The following VPS8 variants were observed in gnomAD, a reference collection of about 807,000 sequenced individuals.
VPS8 encodes the protein vacuolar protein sorting-associated protein 8 homolog.
Under a neutral mutation model 216.4 loss-of-function variants are expected in VPS8, and 129 were observed. The ratio of observed to expected loss-of-function variants is 0.60; its 90% CI spans 0.52 to 0.69. The LOEUF is 0.69. Among genes scored for constraint, VPS8 ranks in the 30% least tolerant of loss-of-function variants. The pLI is 0.00. For missense variants in VPS8, 1,531 were observed against 1,683.5 expected (o/e 0.91, Z 1.59); for synonymous variants, 571 against 565.4 (o/e 1.01, Z -0.14).
intron 7 of VPS8, among the ~76,000 whole-genome samples, chr3:184,841,828 A>C (rs1176970675): frequency 6.6e-6 from 1 of 152,180 alleles, no homozygotes; most frequent in Non-Finnish European, 1.5e-5. Context: ...CACAGAGCCA[A>C]GTTCAGCCAA....
intron 45 of VPS8, among the ~76,000 whole-genome samples, chr3:185,017,477 A>G (rs1166470461): frequency 6.6e-6 from 1 of 152,154 alleles, no homozygotes; most frequent in East Asian, 1.9e-4. Flanking sequence ...CCATTTCCAC[A>G]TACGGCACAA....
chr3:184,996,378 G>C lies in VPS8; in HGVS notation c.3713G>C (p.Trp1238Ser). 2 of 1,613,634 alleles carry C rather than the reference G, an allele frequency of 1.2e-6. No individual in the cohort carries two copies. The highest frequency in any genetic ancestry group is 1.7e-6 in the Non-Finnish European group (2 of 1,179,750). The change falls in exon 44 of 48, where the codon TGG (tryptophan) becomes TCG (serine). Residue 1238 changes from tryptophan (W) to serine (S), a missense_variant. Trp to Ser is a radical substitution (Grantham distance 177, BLOSUM62 -3). Coordinates refer to ENST00000625842, the MANE Select transcript of VPS8 (RefSeq NM_001009921.3). ...TTSLLNQDLHWSLCNLRASVT... is the reference protein window; with the variant it reads ...TTSLLNQDLHSSLCNLRASVT... ...AGCCTTCTAAACCAAGATCTCCATT[G>C]GTCATTGTGTAACCTGAGAGCTTCG...
chr3:185,034,615 G>T (rs796245196), intron 46 of VPS8, among the ~76,000 whole-genome samples: 1 of 114,196 alleles, frequency 8.8e-6, no homozygotes, highest in East Asian at 2.4e-4. Context: ...TAGTTTTGTT[G>T]TTGTTGTTGT....
intron 39 of VPS8, among the ~76,000 whole-genome samples, chr3:184,967,903 A>C (rs1327793361): frequency 6.6e-6 from 1 of 152,126 alleles, no homozygotes; most frequent in African/African-American, 2.4e-5. Flanking sequence ...TTACCATTTT[A>C]ACTATTTTTG....
intron 35 of VPS8, among the ~76,000 whole-genome samples, chr3:184,938,740 A>G (rs1742109575): frequency 6.6e-6 from 1 of 151,414 alleles, no homozygotes; most frequent in South Asian, 2.1e-4. Flanking sequence ...ATAAAAGTAA[A>G]GTATGGGCGG....
chr3:184,914,655 T>C (rs1460271106), intron 26 of VPS8, among the ~76,000 whole-genome samples: 2 of 152,206 alleles, frequency 1.3e-5, no homozygotes, highest in Non-Finnish European at 2.9e-5. Context: ...GGCACCATCT[T>C]TCTAGACGCT....
chr3:184,888,637 A>T (rs1731753882), intron 22 of VPS8, among the ~76,000 whole-genome samples: 2 of 152,302 alleles, frequency 1.3e-5, no homozygotes, highest in South Asian at 4.1e-4. Flanking sequence ...AGAAAATGTT[A>T]TCCTCATTTT....
chr3:185,012,367 CATAA>C (rs1269845008), intron 45 of VPS8, among the ~76,000 whole-genome samples: 13 of 146,756 alleles, frequency 8.9e-5, no homozygotes, highest in African/African-American at 3.0e-4. Context: ...ATATGATAAA[CATAA>C]ATATAATATA....
chr3:184,849,251 C>G, intron 9 of VPS8, 56 bp downstream of exon 9: 1 of 1,573,996 alleles, frequency 6.4e-7, no homozygotes, highest in South Asian at 1.1e-5. Flanking sequence ...GATGAATTTA[C>G]AAAAACTTAC....
At chr3:184,937,000 G>T (rs189793092) in intron 35 of VPS8, among the ~76,000 whole-genome samples, 1 of 152,242 alleles carries the variant, frequency 6.6e-6, no homozygotes, top group Non-Finnish European at 1.5e-5. Flanking sequence ...GCCTCCCAAG[G>T]TGCTGGGATT....
chr3:184,945,000 A>C (rs754448182), intron 36 of VPS8, among the ~76,000 whole-genome samples: 2 of 152,098 alleles, frequency 1.3e-5, no homozygotes, highest in Non-Finnish European at 2.9e-5. Flanking sequence ...ACCTACTTCA[A>C]TGAGTGCCTA....
chr3:184,829,043 A>C (rs1449505101), intron 3 of VPS8, among the ~76,000 whole-genome samples: 3 of 152,164 alleles, frequency 2.0e-5, no homozygotes, highest in African/African-American at 7.2e-5. Context: ...AGATTTGTTC[A>C]CATTGCTGTG....
At chr3:185,028,389 A>G (rs1757677687) in intron 46 of VPS8, among the ~76,000 whole-genome samples, 1 of 152,228 alleles carries the variant, frequency 6.6e-6, no homozygotes, top group Non-Finnish European at 1.5e-5. Context: ...ACACATTGTC[A>G]GAAATGGGAA....
intron 36 of VPS8, among the ~76,000 whole-genome samples, chr3:184,954,580 T>C (rs998921782): frequency 6.6e-6 from 1 of 152,194 alleles, no homozygotes; most frequent in Non-Finnish European, 1.5e-5. Flanking sequence ...CACAATATTA[T>C]ATTCCCACAT....
chr3:184,973,870 A>G (rs1254066347), intron 40 of VPS8, among the ~76,000 whole-genome samples: 3 of 152,124 alleles, frequency 2.0e-5, no homozygotes, highest in African/African-American at 7.2e-5. Context: ...TGCAAGTGTC[A>G]GGATTTCATC....
At chr3:184,957,223 A>G in intron 36 of VPS8, 151 bp from the exon 37 acceptor site, 2 of 802,746 alleles carry the variant, frequency 2.5e-6, no homozygotes, top group Non-Finnish European at 3.8e-6. Flanking sequence ...CAAGTAACCT[A>G]AATAACATTG....
At chr3:184,815,794 C>T (rs999983593) in intron 1 of VPS8, 6 of 145,266 alleles carry the variant, frequency 4.1e-5, no homozygotes, top group African/African-American at 1.0e-4. Context: ...TTCAGCAAGA[C>T]GCTTCCAGTT....
chr3:184,932,040 G>A (rs1445938165), intron 34 of VPS8, among the ~76,000 whole-genome samples: 1 of 152,098 alleles, frequency 6.6e-6, no homozygotes, highest in Non-Finnish European at 1.5e-5. Flanking sequence ...TACTTTTGCT[G>A]ACTAGTTTTT....
intron 34 of VPS8, among the ~76,000 whole-genome samples, chr3:184,933,786 T>G (rs781176623): frequency 1.3e-5 from 2 of 152,208 alleles, no homozygotes; most frequent in Admixed American, 6.5e-5. Context: ...ATATCAAGGA[T>G]CTATATGTGT....
Sources: allele counts gnomAD v4.1 joint callset (sites outside exome capture counted in the v4.1 genomes callset), GRCh38; gene constraint gnomAD v4.1.1; transcripts MANE v1.5; gene names NCBI Gene and HGNC (gene_info 2026-07-23, HGNC 2026-07-21).